PARN: variants seen among roughly 807,000 people sequenced by gnomAD.
PARN encodes poly(A)-specific ribonuclease.
In PARN, 71 loss-of-function variants were observed where a neutral mutation model predicts 102.8. That is an observed-to-expected ratio of 0.69 (90% confidence interval 0.57 to 0.84). The LOEUF (loss-of-function observed/expected upper bound fraction) is 0.84. Ranked by LOEUF, PARN falls within the 40% of genes least tolerant of loss-of-function variation. The probability of loss-of-function intolerance (pLI) is 0.00; values close to 1 mark genes in which losing one functional copy is unlikely to be tolerated. For synonymous variants in PARN, 261 were observed against 252.9 expected (o/e 1.03, Z -0.30); for missense variants, 782 against 760.9 (o/e 1.03, Z -0.33).
intron 10 of PARN, among the ~76,000 whole-genome samples, 159 bp from the exon 11 acceptor site, chr16:14,604,385 C>T (rs899383850): frequency 1.3e-5 from 2 of 151,760 alleles, no homozygotes; most frequent in Admixed American, 6.6e-5. Flanking sequence ...CTTAGCCTCC[C>T]GAGTAGCTGG....
intron 5 of PARN, among the ~76,000 whole-genome samples, chr16:14,622,079 A>C (rs1596906487): frequency 6.7e-6 from 1 of 149,224 alleles, no homozygotes; most frequent in South Asian, 2.1e-4. Context: ...TGTAGACCCA[A>C]CTACTTGGGA....
chr16:14,524,456 T>G (rs186720267), intron 21 of PARN, among the ~76,000 whole-genome samples: 308 of 152,272 alleles, frequency 2.0e-3, no homozygotes, highest in African/African-American at 6.7e-3. Context: ...ATTAAGAGTG[T>G]TCGATTTATC....
rs180942782 is a variant in PARN at position 14,505,495 on chromosome 16, A to G, written c.1481-22668T>C. ...CGTCTCTTAAAACACACACACACAC[A>G]CACACACATACACACACAAAACTGT... is the stretch of plus-strand genomic sequence containing the variant. On this transcript the variant is annotated intron_variant, in intron 21 of 23. Coordinates refer to ENST00000437198, the MANE Select transcript of PARN (RefSeq NM_002582.4). Among the ~76,000 whole-genome samples the G allele has an allele frequency of 3.3e-5, 5 of 152,234 alleles. No individual in the cohort carries two copies. In the East Asian group the frequency reaches 9.6e-4, roughly 29 times the overall value.
At chr16:14,592,427 A>G (rs1310579266) in intron 13 of PARN, among the ~76,000 whole-genome samples, 4 of 152,204 alleles carry the variant, frequency 2.6e-5, no homozygotes. Context: ...AAAAAGATGA[A>G]GAGGAAATAA....
rs146544174 is a variant in PARN at position 14,609,462 on chromosome 16, T to C, written c.555-339A>G. Reference sequence around the variant, plus strand: ...GCAGTGTAACTGTGGTCCCAGCTACTCCAGAAGCGGAGGTGGGAGGATCAC... The same window carrying C: ...GCAGTGTAACTGTGGTCCCAGCTACCCCAGAAGCGGAGGTGGGAGGATCAC... On this transcript the variant is annotated intron_variant, in intron 7 of 23. Transcript: ENST00000437198. 7.9e-3 allele frequency among the ~76,000 whole-genome samples: 1,205 copies of C among 152,154 alleles called. 2 individuals carry two copies. The highest frequency in any genetic ancestry group is 0.012 in the Non-Finnish European group (804 of 68,004).
At chr16:14,466,153 TA>T (rs974283977) in intron 22 of PARN, among the ~76,000 whole-genome samples, 2 of 151,726 alleles carry the variant, frequency 1.3e-5, no homozygotes, top group African/African-American at 2.4e-5. Flanking sequence ...AAATAAAAGT[TA>T]AAAAAAATGA....
chr16:14,560,843 C>T (rs1485607548), intron 18 of PARN, among the ~76,000 whole-genome samples: 1 of 152,206 alleles, frequency 6.6e-6, no homozygotes, highest in Non-Finnish European at 1.5e-5. Flanking sequence ...AAAAGCCACC[C>T]TCCAAACTTT....
intron 21 of PARN, among the ~76,000 whole-genome samples, chr16:14,524,547 G>A (rs769149351): frequency 1.3e-5 from 2 of 152,156 alleles, no homozygotes; most frequent in Non-Finnish European, 2.9e-5. Flanking sequence ...GAAAGACAAG[G>A]AGGGGAAAAG....
At chr16:14,608,143 G>A in intron 9 of PARN, 138 bp downstream of exon 9, 1 of 674,284 alleles carries the variant, frequency 1.5e-6, no homozygotes, top group East Asian at 2.8e-5. Context: ...TTCAACTTAA[G>A]AAAGTAGGGG....
intron 13 of PARN, among the ~76,000 whole-genome samples, chr16:14,589,612 T>C (rs1022146513): frequency 6.7e-6 from 1 of 148,390 alleles, no homozygotes; most frequent in African/African-American, 2.5e-5. Flanking sequence ...ATGCCTGTAA[T>C]CGCAACACTT....
At chr16:14,618,201 G>A (rs550356021) in intron 5 of PARN, among the ~76,000 whole-genome samples, 30 of 151,886 alleles carry the variant, frequency 2.0e-4, no homozygotes, top group South Asian at 6.3e-4. Flanking sequence ...AAAATTAGCC[G>A]GGTGTGCCAG....
intron 22 of PARN, among the ~76,000 whole-genome samples, chr16:14,460,533 T>A (rs1359584903): frequency 6.6e-6 from 1 of 152,158 alleles, no homozygotes; most frequent in African/African-American, 2.4e-5. Context: ...ACTCTAAAGG[T>A]GTTCTACACT....
At chr16:14,463,838 T>TTGG (rs761083037) in intron 22 of PARN, among the ~76,000 whole-genome samples, 1 of 95,090 alleles carries the variant, frequency 1.1e-5, no homozygotes, top group African/African-American at 4.1e-5. Context: ...CTTTTTTTTT[T>TTGG]GGGGGGGGGG....
intron 21 of PARN, among the ~76,000 whole-genome samples, chr16:14,516,726 T>C (rs1479779243): frequency 6.6e-6 from 1 of 152,208 alleles, no homozygotes; most frequent in African/African-American, 2.4e-5. Context: ...AAAAATGTAG[T>C]AGATGACCAA....
At chr16:14,503,954 T>C (rs1226560381) in intron 21 of PARN, among the ~76,000 whole-genome samples, 4 of 152,204 alleles carry the variant, frequency 2.6e-5, no homozygotes, top group Non-Finnish European at 5.9e-5. Context: ...TGGTAAATTG[T>C]TCTTAGAAGC....
chr16:14,629,237 T>G (rs1972871627), intron 2 of PARN, among the ~76,000 whole-genome samples: 1 of 152,238 alleles, frequency 6.6e-6, no homozygotes, highest in Non-Finnish European at 1.5e-5. Flanking sequence ...TAATGCCACT[T>G]AACTGTAAAG....
Position 14,584,353 on chromosome 16 carries a change from T to C in PARN, c.1075A>G (p.Lys359Glu), listed in dbSNP as rs192893173. The change falls in exon 16 of 24, where the codon AAA becomes GAA. Residue 359 changes from lysine (K) to glutamate (E), a missense_variant. Physicochemically the swap from Lys to Glu is moderately conservative, Grantham distance 56. Transcript: ENST00000437198. Reference protein sequence around the residue: ...RLKETPFNPPKVESAEGFPSY... With the variant: ...RLKETPFNPPEVESAEGFPSY... ...TCCGGTTTAATATTCTTACCAACTT[T>C]AGGAGGGTTGAAAGGTGTCTCTTTT... 2.0e-5 allele frequency: 32 copies of C among 1,607,002 alleles called. No individual in the cohort carries two copies. Among genetic ancestry groups the C allele is most frequent in the Non-Finnish European group, 2.6e-5 (31 of 1,173,588 alleles).
chr16:14,574,329 G>C (rs1408181065), intron 18 of PARN, among the ~76,000 whole-genome samples: 1 of 152,190 alleles, frequency 6.6e-6, no homozygotes, highest in East Asian at 1.9e-4. Flanking sequence ...AAGCATTCAA[G>C]AGGTGACCTG....
Position 14,596,037 on chromosome 16 carries a change from T to C in PARN, c.841-2659A>G, listed in dbSNP as rs1442158174. ...ACAGAAATATAGCTGTGTGTGTACA[T>C]GCCTAGGTCTACATACATATGGTTC... is the stretch of plus-strand genomic sequence containing the variant. On this transcript the variant is annotated intron_variant, in intron 12 of 23. Transcript: ENST00000437198. Among the ~76,000 whole-genome samples, 18 of 152,304 alleles carry C rather than the reference T, an allele frequency of 1.2e-4. No homozygotes were observed. The South Asian group carries it at 3.3e-3, about 28-fold the overall frequency.
Sources: allele counts gnomAD v4.1 joint callset (sites outside exome capture counted in the v4.1 genomes callset), GRCh38; gene constraint gnomAD v4.1.1; transcripts MANE v1.5; gene names NCBI Gene and HGNC (gene_info 2026-07-23, HGNC 2026-07-21).